The following DAB2IP variants were observed in gnomAD, a reference collection of about 807,000 sequenced individuals.
The protein encoded by DAB2IP is DAB2 interacting protein, also known as disabled homolog 2-interacting protein.
Under a neutral mutation model 107.2 loss-of-function variants are expected in DAB2IP, and 28 were observed. The ratio of observed to expected loss-of-function variants is 0.26; its 90% CI spans 0.19 to 0.36. The LOEUF (loss-of-function observed/expected upper bound fraction) is 0.36. DAB2IP is among the 10% of genes least tolerant of loss of function. The pLI, the probability that DAB2IP is intolerant of heterozygous loss-of-function variation, is 1.00. For synonymous variants in DAB2IP, 755 were observed against 706.4 expected (o/e 1.07, Z -1.09); for missense variants, 1,400 against 1,644.7 (o/e 0.85, Z 2.57).
intron 1 of DAB2IP, among the ~76,000 whole-genome samples, chr9:121,620,558 C>G (rs1831426496): frequency 6.6e-6 from 1 of 152,176 alleles, no homozygotes; most frequent in Non-Finnish European, 1.5e-5. Flanking sequence ...CATATCAGGT[C>G]CCTGGTTAAA....
intron 4 of DAB2IP, among the ~76,000 whole-genome samples, chr9:121,758,490 G>T (rs564781293): frequency 2.0e-5 from 3 of 152,310 alleles, no homozygotes; most frequent in South Asian, 4.1e-4. Flanking sequence ...TGTCTCCTTG[G>T]TTCTTGTGGT....
At chr9:121,711,362 G>A (rs76658220) in intron 3 of DAB2IP, among the ~76,000 whole-genome samples, 2,665 of 152,242 alleles carry the variant, frequency 0.018, 66 homozygotes, top group African/African-American at 0.061. Context: ...GTGATTGTGT[G>A]CTCAAATACA....
At chr9:121,777,566 C>T (rs779502664) in intron 14 of DAB2IP, among the ~76,000 whole-genome samples, 3 of 152,232 alleles carry the variant, frequency 2.0e-5, no homozygotes, top group African/African-American at 4.8e-5. Context: ...TTGCTTAACA[C>T]GTTCGTTTCT....
intron 1 of DAB2IP, among the ~76,000 whole-genome samples, chr9:121,664,195 A>G (rs140799309): frequency 2.0e-5 from 3 of 152,324 alleles, no homozygotes; most frequent in African/African-American, 7.2e-5. Flanking sequence ...TCAATTGCCC[A>G]TGTATGTATG....
At chr9:121,593,487 G>A (rs746317081) in intron 1 of DAB2IP, among the ~76,000 whole-genome samples, 22 of 152,030 alleles carry the variant, frequency 1.4e-4, no homozygotes, top group Non-Finnish European at 2.8e-4. Context: ...GCCCAGGCTG[G>A]TCTTGAACTC....
At chr9:121,652,694 G>C (rs57333434) in intron 1 of DAB2IP, among the ~76,000 whole-genome samples, 2,507 of 152,190 alleles carry the variant, frequency 0.016, 79 homozygotes, top group African/African-American at 0.058. Context: ...CAGGGACCTG[G>C]GCCGAGTTGA....
chr9:121,693,417 G>A (rs1009247528), intron 2 of DAB2IP, among the ~76,000 whole-genome samples: 2 of 152,232 alleles, frequency 1.3e-5, no homozygotes, highest in Admixed American at 6.5e-5. Flanking sequence ...GCCGAGAGAG[G>A]TGGCAGGATC....
At chr9:121,721,968 T>TG in intron 3 of DAB2IP, among the ~76,000 whole-genome samples, 1 of 152,352 alleles carries the variant, frequency 6.6e-6, no homozygotes, top group Non-Finnish European at 1.5e-5. Context: ...GCAGATGTGC[T>TG]GCAGGCCTGA....
intron 3 of DAB2IP, among the ~76,000 whole-genome samples, chr9:121,730,982 G>A (rs1481269625): frequency 2.0e-5 from 3 of 152,170 alleles, no homozygotes; most frequent in African/African-American, 7.2e-5. Context: ...TCTGAAGAAG[G>A]ATATGCTTGG....
At chr9:121,637,829 C>T (rs945335331) in intron 1 of DAB2IP, among the ~76,000 whole-genome samples, 1 of 152,156 alleles carries the variant, frequency 6.6e-6, no homozygotes, top group Non-Finnish European at 1.5e-5. Flanking sequence ...GAATGAGAAG[C>T]CCTGCAACCT....
intron 3 of DAB2IP, among the ~76,000 whole-genome samples, chr9:121,745,062 G>T (rs1832629038): frequency 6.6e-6 from 1 of 152,218 alleles, no homozygotes; most frequent in South Asian, 2.1e-4. Flanking sequence ...AGATGACAGG[G>T]CTAGCTTAGC....
At chr9:121,752,007 C>T (rs1048151005) in intron 3 of DAB2IP, 5 of 985,292 alleles carry the variant, frequency 5.1e-6, no homozygotes, top group Non-Finnish European at 6.0e-6. Flanking sequence ...GTCCCTGGAG[C>T]GCTGTCATGG....
intron 6 of DAB2IP, among the ~76,000 whole-genome samples, chr9:121,762,923 G>T (rs996551643): frequency 2.0e-5 from 3 of 152,178 alleles, no homozygotes; most frequent in African/African-American, 7.2e-5. Flanking sequence ...GGGCAGTGGC[G>T]CCTCCACCTT....
At chr9:121,575,725 G>A (rs1830042352) in intron 1 of DAB2IP, among the ~76,000 whole-genome samples, 2 of 152,014 alleles carry the variant, frequency 1.3e-5, no homozygotes, top group Admixed American at 1.3e-4. Context: ...CTAGCCTTCT[G>A]CTCCCACTGC....
rs1350009799 is a variant in DAB2IP at position 121,651,885 on chromosome 9, C to T, written c.110C>T (p.Thr37Ile). 5.6e-6 allele frequency: 8 copies of T among 1,420,648 alleles called. No individual in the cohort carries two copies. In the East Asian group the frequency reaches 1.8e-4, roughly 31 times the overall value. 88.0% of individuals were successfully genotyped at this position (1,420,648 alleles called of 1,614,324 possible). ...CAGAGGAGCCGCTCCCGCAGCCGGA[C>T]CCGGCCTGCCAGGGGTAGGCGCCAC... The change falls in exon 1 of 16, where the codon ACC becomes ATC. Residue 37 changes from threonine to isoleucine, a missense_variant. Thr to Ile is a moderately conservative substitution (Grantham distance 89, BLOSUM62 -1). This residue lies in a region of DAB2IP where 283 missense variants were observed against 237.0 expected (regional missense o/e 1.19). Coordinates refer to ENST00000408936, the Ensembl canonical transcript of DAB2IP. The surrounding 1 kb of genome is among the most constrained non-coding windows in gnomAD (Gnocchi z 5.1).
intron 1 of DAB2IP, among the ~76,000 whole-genome samples, chr9:121,583,933 CT>C (rs1199657556): frequency 6.6e-6 from 1 of 152,014 alleles, no homozygotes; most frequent in Non-Finnish European, 1.5e-5. Context: ...AATCCCAGCA[CT>C]TTGGGAGGCT....
chr9:121,763,571 C>T (rs370747909), exon 7 of DAB2IP: 6 of 1,613,892 alleles, frequency 3.7e-6, no homozygotes, highest in East Asian at 2.2e-5. Flanking sequence ...CCTCATCTTC[C>T]GGGAGAACAC....
intron 1 of DAB2IP, among the ~76,000 whole-genome samples, chr9:121,615,767 C>T (rs1831251420): frequency 6.6e-6 from 1 of 152,018 alleles, no homozygotes; most frequent in Admixed American, 6.6e-5. Context: ...GCTGGGATTA[C>T]AGGTGCGCAC....
At chr9:121,729,927 G>T (rs543797810) in intron 3 of DAB2IP, among the ~76,000 whole-genome samples, 1 of 152,042 alleles carries the variant, frequency 6.6e-6, no homozygotes. Context: ...TCCCTGGAAG[G>T]CTCCTCCCAG....
Sources: allele counts gnomAD v4.1 joint callset (sites outside exome capture counted in the v4.1 genomes callset), GRCh38; gene constraint gnomAD v4.1.1; regional missense constraint gnomAD v4.1.1; non-coding constraint Gnocchi (gnomAD v3.1); transcripts MANE v1.5; gene names NCBI Gene and HGNC (gene_info 2026-07-23, HGNC 2026-07-21).